The following AGAP1 variants were observed in gnomAD, a reference collection of about 807,000 sequenced individuals.
AGAP1 encodes ArfGAP with GTPase domain, ankyrin repeat and PH domain 1.
A neutral mutation model predicts 105.3 loss-of-function variants in AGAP1; 29 were observed. The ratio of observed to expected loss-of-function variants is 0.28; its 90% confidence interval spans 0.21 to 0.38. AGAP1 has a LOEUF of 0.38. AGAP1 is among the 10% of genes least tolerant of loss of function. AGAP1 has a pLI of 1.00. For missense variants in AGAP1, 998 were observed against 1,165.1 expected, an observed-to-expected ratio of 0.86 and a Z score of 2.09; for synonymous variants, 509 against 485.9, an observed-to-expected ratio of 1.05 and a Z score of -0.63.
intron 1 of AGAP1, among the ~76,000 whole-genome samples, chr2:235,702,430 C>T (rs946051392): frequency 2.0e-5 from 3 of 152,206 alleles, no homozygotes; most frequent in African/African-American, 7.2e-5. Context: ...TCCTTGCAGC[C>T]AGGCTCCTGC....
At chr2:235,939,990 C>T (rs2053185626) in intron 12 of AGAP1, among the ~76,000 whole-genome samples, 1 of 152,228 alleles carries the variant, frequency 6.6e-6, no homozygotes, top group African/African-American at 2.4e-5. Flanking sequence ...AAGCAGCTAC[C>T]TGCTCGGAGG....
At chr2:235,914,064 G>A (rs1042884883) in intron 11 of AGAP1, among the ~76,000 whole-genome samples, 4 of 151,910 alleles carry the variant, frequency 2.6e-5, no homozygotes, top group Admixed American at 6.5e-5. Context: ...TTAGAGAGGC[G>A]GGGTCTATTA....
At chr2:235,668,335 T>C (rs1948197832) in intron 1 of AGAP1, among the ~76,000 whole-genome samples, 1 of 152,256 alleles carries the variant, frequency 6.6e-6, no homozygotes, top group African/African-American at 2.4e-5. Context: ...TTCAGTTTTA[T>C]GCCACTTCCA....
At chr2:236,017,421 A>G (rs2056743618) in intron 13 of AGAP1, among the ~76,000 whole-genome samples, 1 of 152,108 alleles carries the variant, frequency 6.6e-6, no homozygotes, top group Non-Finnish European at 1.5e-5. Flanking sequence ...GTGACCCTTC[A>G]TGAAAATTTG....
rs1269123334 is a variant in AGAP1, at chr2:235,643,457, A to AAAAG, written c.164-65713_164-65710dup. ...AAAAAAAAAAAAAAAAAAAAAAAAAAAAAGAAAGAAAGTTTAAAGGATGTT... is the reference window on the plus strand; with the variant it reads ...AAAAAAAAAAAAAAAAAAAAAAAAAAAAAGAAAGAAAGAAAGTTTAAAGGATGTT... On this transcript the variant is annotated intron_variant, in intron 1 of 17. Coordinates refer to ENST00000304032, the MANE Select transcript of AGAP1 (RefSeq NM_001037131.3). Among the ~76,000 whole-genome samples, 299 of 140,290 alleles carry AAAAG rather than the reference A, an allele frequency of 2.1e-3. 3 individuals are homozygous for AAAAG. The highest frequency in any genetic ancestry group is 0.013 in the East Asian group (63 of 4,712). 92.0% of individuals were successfully genotyped at this position (140,290 alleles called of 152,430 possible). A position where few individuals can be genotyped will look rare whatever the true frequency, so the allele number is the denominator to read the frequency against.
rs2059023978 is a variant in AGAP1 at position 236,090,191 on chromosome 2, T to C, written c.2115-30001T>C. On this transcript the variant is annotated intron_variant, in intron 16 of 17. Coordinates refer to ENST00000304032, the MANE Select transcript of AGAP1 (RefSeq NM_001037131.3). This position sits in a 1 kb window ranked among gnomAD's most constrained non-coding sequence, Gnocchi z 4.3. Reference sequence around the variant, plus strand: ...GGGCTCCAGCTGCACAGGCTGGGGATGGGCTGGGTAGAAATGGCAGTTTTG... The same window carrying C: ...GGGCTCCAGCTGCACAGGCTGGGGACGGGCTGGGTAGAAATGGCAGTTTTG... 6.6e-6 allele frequency among the ~76,000 whole-genome samples: 1 copy of C among 152,156 alleles called. No homozygotes were observed. Among genetic ancestry groups the C allele is most frequent in the African/African-American group, 2.4e-5 (1 of 41,442 alleles).
At chr2:236,049,497 C>T in intron 16 of AGAP1, 1 of 489,518 alleles carries the variant, frequency 2.0e-6, no homozygotes, top group Non-Finnish European at 3.6e-6. Flanking sequence ...TGTTTTTAGG[C>T]CTGGGGATTT....
Position 235,864,539 on chromosome 2 carries a change from C to T in AGAP1, c.1051-18806C>T, listed in dbSNP as rs145128855. ...ACTGCGCGGCCCCGGAGCCCCCAAA[C>T]GCAGGTCAGCATGGAGGGGCAGCCT... On this transcript the variant is annotated intron_variant, in intron 9 of 17. Transcript: ENST00000304032. The surrounding 1 kb of genome is among the most constrained non-coding windows in gnomAD (Gnocchi z 5.0). Among the ~76,000 whole-genome samples the T allele has an allele frequency of 3.9e-3, 592 of 152,270 alleles. 3 individuals are homozygous for T. Among genetic ancestry groups the T allele is most frequent in the African/African-American group, 0.013 (547 of 41,544 alleles).
At chr2:235,774,108 C>G (rs1176476903) in intron 6 of AGAP1, 1 of 405,818 alleles carries the variant, frequency 2.5e-6, no homozygotes, top group African/African-American at 2.1e-5. Context: ...ATTAAATATC[C>G]AGATCTAGGA....
intron 6 of AGAP1, among the ~76,000 whole-genome samples, chr2:235,764,502 C>A (rs1417861416): frequency 1.3e-5 from 2 of 152,220 alleles, no homozygotes; most frequent in East Asian, 3.9e-4. Context: ...ATCTGTTATT[C>A]CATGTTTGAA....
chr2:235,732,147 T>C lies in AGAP1; in HGVS notation c.311-8816T>C, dbSNP rs1235109231. Among the ~76,000 whole-genome samples, 1 of 152,238 alleles carries C rather than the reference T, an allele frequency of 6.6e-6. No individual in the cohort carries two copies. Among genetic ancestry groups the C allele is most frequent in the East Asian group, 1.9e-4 (1 of 5,198 alleles). On this transcript the variant is annotated intron_variant, in intron 3 of 17. Coordinates refer to ENST00000304032, the MANE Select transcript of AGAP1 (RefSeq NM_001037131.3). The surrounding 1 kb of genome is among the most constrained non-coding windows in gnomAD (Gnocchi z 4.8). ...GTCTCAGGAACATTCCTTTGTCTTT[T>C]ATCTTCGAATAGTCTTTGAGTTCTT...
At chr2:236,025,917 T>G (rs2057037511) in intron 13 of AGAP1, among the ~76,000 whole-genome samples, 1 of 122,648 alleles carries the variant, frequency 8.2e-6, no homozygotes. Flanking sequence ...GGTGGATGGA[T>G]GGATGGATGG....
chr2:235,773,581 C>T (rs192085086), intron 6 of AGAP1, among the ~76,000 whole-genome samples: 4 of 152,262 alleles, frequency 2.6e-5, no homozygotes, highest in Admixed American at 2.6e-4. Flanking sequence ...CGATTTAGTT[C>T]TAGGAAGTCA....
At position 235,989,779 on chromosome 2, in the gene AGAP1, G is replaced by A. The variant is rs1016897157; in HGVS notation, c.1645+21156G>A. 2.6e-5 allele frequency among the ~76,000 whole-genome samples: 4 copies of A among 152,312 alleles called. No homozygotes were observed. Among genetic ancestry groups the A allele is most frequent in the Admixed American group, 1.3e-4 (2 of 15,290 alleles). ...GACATTGGCAAGCATCAGTCCGTGC[G>A]GGAGACGTGCATGGAGTGGAACGGT... On this transcript the variant is annotated intron_variant, in intron 13 of 17. Coordinates refer to ENST00000304032, the MANE Select transcript of AGAP1 (RefSeq NM_001037131.3). This position sits in a 1 kb window ranked among gnomAD's most constrained non-coding sequence, Gnocchi z 4.4.
At position 235,938,109 on chromosome 2, in the gene AGAP1, G is replaced by A. The variant is rs183522458; in HGVS notation, c.1483+7186G>A. On this transcript the variant is annotated intron_variant, in intron 12 of 17. Transcript: ENST00000304032. ...TCCGCCTGGCGGCACGGCCGGTTCA[G>A]CGGCAGTCCTGCTGCCACCAGCGTA... 1.0e-3 allele frequency among the ~76,000 whole-genome samples: 158 copies of A among 152,320 alleles called. 1 individual carries two copies. The highest frequency in any genetic ancestry group is 2.0e-3 in the Non-Finnish European group (134 of 67,990).
At chr2:235,591,768 GT>G (rs978942973) in intron 1 of AGAP1, among the ~76,000 whole-genome samples, 23 of 152,044 alleles carry the variant, frequency 1.5e-4, no homozygotes, top group Admixed American at 1.1e-3. Context: ...GGTCTGTTTT[GT>G]TTTGTTTTTA....
chr2:235,995,025 C>T (rs2055738769), intron 13 of AGAP1, among the ~76,000 whole-genome samples: 1 of 24,782 alleles, frequency 4.0e-5, no homozygotes, highest in South Asian at 2.1e-3. Context: ...CGAGATCGCG[C>T]CTTGCACTCC....
At chr2:236,072,833 C>A (rs1475166209) in intron 16 of AGAP1, among the ~76,000 whole-genome samples, 3 of 152,124 alleles carry the variant, frequency 2.0e-5, no homozygotes. Context: ...TCCAGCTGAA[C>A]TATACCAGGA....
At position 235,934,500 on chromosome 2, in the gene AGAP1, C is replaced by T. The variant is rs2052892077; in HGVS notation, c.1483+3577C>T. Among the ~76,000 whole-genome samples, 1 of 152,196 alleles carries T rather than the reference C, an allele frequency of 6.6e-6. No homozygotes were observed. The highest frequency in any genetic ancestry group is 2.4e-5 in the African/African-American group (1 of 41,440). On this transcript the variant is annotated intron_variant, in intron 12 of 17. Coordinates refer to ENST00000304032, the MANE Select transcript of AGAP1 (RefSeq NM_001037131.3). The surrounding 1 kb of genome is among the most constrained non-coding windows in gnomAD (Gnocchi z 4.9). The stretch of plus-strand genomic sequence containing the variant: ...CAGCAATGTTTAGTGAACACCAGGG[C>T]ACAGGATCTGATGGACAACTTCCAG...
Sources: gnomAD v4.1 joint callset for allele counts (sites outside exome capture counted in the v4.1 genomes callset) on GRCh38, gnomAD v4.1.1 for gene constraint, Gnocchi (gnomAD v3.1) non-coding constraint, MANE v1.5 for transcripts, NCBI Gene and HGNC (gene_info 2026-07-23, HGNC 2026-07-21) for gene names.